The following NCAPD2 variants were observed in gnomAD, a reference collection of about 807,000 sequenced individuals.
NCAPD2 encodes the protein condensin complex subunit 1.
Under a neutral mutation model 164.5 loss-of-function variants are expected in NCAPD2, and 100 were observed. The ratio of observed to expected loss-of-function variants is 0.61; its 90% CI spans 0.52 to 0.72. The LOEUF (loss-of-function observed/expected upper bound fraction) is 0.72. Ranked by LOEUF, NCAPD2 falls within the 30% of genes least tolerant of loss-of-function variation. NCAPD2 has a pLI of 0.00. For missense variants in NCAPD2, 1,560 were observed against 1,749.2 expected, an observed-to-expected ratio of 0.89 and a Z score of 1.93; for synonymous variants, 585 against 642.6, an observed-to-expected ratio of 0.91 and a Z score of 1.36.
intron 2 of NCAPD2, among the ~76,000 whole-genome samples, chr12:6,500,492 AAG>A (rs1174566415): frequency 6.6e-6 from 1 of 152,170 alleles, no homozygotes; most frequent in Non-Finnish European, 1.5e-5. Context: ...AGCTAGGAAA[AAG>A]AGATTAGGTA....
Position 6,525,615 on chromosome 12 carries a change from A to G in NCAPD2, c.2247A>G (p.Lys749=). 1 of 1,612,968 alleles carries G rather than the reference A, an allele frequency of 6.2e-7. No homozygotes were observed. Among genetic ancestry groups the G allele is most frequent in the Middle Eastern group, 1.6e-4 (1 of 6,062 alleles). The change falls in exon 18 of 32, where the codon AAA becomes AAG. Residue 749 remains lysine (K), a synonymous_variant. Transcript: ENST00000315579. ...AGTTTGTGCAGAAGGATGAGTTGAA[A>G]CCAGCAGTGACCCAGCTGCTGTGGG... ...LCEFVQKDEL[K]PAVTQLLWER...
chr12:6,529,247 C>T, intron 27 of NCAPD2: 1 of 614,726 alleles, frequency 1.6e-6, no homozygotes, highest in Non-Finnish European at 2.9e-6. Context: ...GATAAAGTTC[C>T]TAACATGGTG....
At chr12:6,505,357 T>C (rs1258407340) in intron 2 of NCAPD2, among the ~76,000 whole-genome samples, 1 of 152,166 alleles carries the variant, frequency 6.6e-6, no homozygotes, top group East Asian at 1.9e-4. Context: ...TGAGCCAGCG[T>C]GCCCGGTCTG....
chr12:6,529,964 C>G lies in NCAPD2; in HGVS notation c.3837+6C>G. The G allele has an allele frequency of 6.2e-7, 1 of 1,610,074 alleles. No individual in the cohort carries two copies. Among genetic ancestry groups the G allele is most frequent in the Non-Finnish European group, 8.5e-7 (1 of 1,177,392 alleles). Reference sequence around the variant, plus strand: ...GGGCCAAGCCTGAGGGCAAGGTGAGCAGCACAGGACACTTCAATGCCTGTT... The same window carrying G: ...GGGCCAAGCCTGAGGGCAAGGTGAGGAGCACAGGACACTTCAATGCCTGTT... On this transcript the variant is annotated splice_donor_region_variant and intron_variant, in intron 29 of 31. Transcript: ENST00000315579.
intron 29 of NCAPD2, 98 bp downstream of exon 29, chr12:6,530,056 G>T: frequency 1.5e-6 from 2 of 1,347,756 alleles, no homozygotes; most frequent in Non-Finnish European, 2.0e-6. Flanking sequence ...TCACCTTCCC[G>T]TCCTCCTTAT....
intron 8 of NCAPD2, 91 bp downstream of exon 8, chr12:6,514,678 A>T: frequency 6.2e-7 from 1 of 1,606,790 alleles, no homozygotes; most frequent in Non-Finnish European, 8.5e-7. Context: ...GCAACAGTAG[A>T]TTCCTTCAGA....
At chr12:6,512,580 G>A (rs540818424) in intron 6 of NCAPD2, among the ~76,000 whole-genome samples, 1 of 152,230 alleles carries the variant, frequency 6.6e-6, no homozygotes, top group African/African-American at 2.4e-5. Context: ...GAGCCAGACC[G>A]CAGGTTCTTG....
In NCAPD2 at chr12:6,521,786, C is replaced by CT. The variant is rs563139489; in HGVS notation, c.1715-11dup. Reference sequence around the variant, plus strand: ...TTGAACGAAACCATCCTGTACTTCTCTAACTCCTTAGGCCCAGCAGCTTCC... The same window carrying CT: ...TTGAACGAAACCATCCTGTACTTCTCTTAACTCCTTAGGCCCAGCAGCTTCC... On this transcript the variant is annotated splice_polypyrimidine_tract_variant and intron_variant, in intron 14 of 31. Coordinates refer to ENST00000315579, the MANE Select transcript of NCAPD2 (RefSeq NM_014865.4). The CT allele has an allele frequency of 2.2e-3, 3,519 of 1,613,588 alleles. 5 individuals are homozygous for CT. The highest frequency in any genetic ancestry group is 2.8e-3 in the Non-Finnish European group (3,253 of 1,179,718).
chr12:6,517,500 G>A lies in NCAPD2; in HGVS notation c.1320+1G>A. On this transcript the variant is annotated splice_donor_variant, in intron 11 of 31. Transcript: ENST00000315579. LOFTEE classifies it high-confidence loss of function. The stretch of plus-strand genomic sequence containing the variant: ...AGCCAATAATCCTTTCTCCTGCAAG[G>A]TAAGTAGACTTGGTCCACCAAAAGA... 6.2e-7 allele frequency: 1 copy of A among 1,614,182 alleles called. No individual in the cohort carries two copies. Among genetic ancestry groups the A allele is most frequent in the African/African-American group, 1.3e-5 (1 of 75,038 alleles).
intron 22 of NCAPD2, 30 bp from the exon 23 acceptor site, chr12:6,527,747 A>T (rs766161323): frequency 6.3e-7 from 1 of 1,584,632 alleles, no homozygotes; most frequent in Non-Finnish European, 8.6e-7. Flanking sequence ...GTCTCTGCTT[A>T]TCCATGATCC....
chr12:6,502,452 A>G (rs1946046984), intron 2 of NCAPD2, among the ~76,000 whole-genome samples: 1 of 152,222 alleles, frequency 6.6e-6, no homozygotes, highest in East Asian at 1.9e-4. Flanking sequence ...ACTTCAGGTT[A>G]GTAGTCATGA....
chr12:6,527,930 G>A (rs1565547272), intron 23 of NCAPD2, 38 bp from the exon 24 acceptor site: 2 of 1,614,174 alleles, frequency 1.2e-6, no homozygotes, highest in South Asian at 2.2e-5. Flanking sequence ...TCCCAATTAA[G>A]ATAACCTGTC....
rs373458693 is a variant in NCAPD2 at position 6,495,256 on chromosome 12, C to T, written c.127+31C>T. Reference sequence around the variant, plus strand: ...AGTCCATAGCTGTCACTGTACCTAGCTCTTTCAAAGGACCATCTCACATGG... The same window carrying T: ...AGTCCATAGCTGTCACTGTACCTAGTTCTTTCAAAGGACCATCTCACATGG... On this transcript the variant is annotated intron_variant, in intron 2 of 31. Transcript: ENST00000315579. 2.5e-6 allele frequency: 4 copies of T among 1,611,332 alleles called. No homozygotes were observed. In the African/African-American group the frequency reaches 5.3e-5, roughly 22 times the overall value.
At chr12:6,519,181 T>G (rs1946240993) in intron 13 of NCAPD2, among the ~76,000 whole-genome samples, 1 of 152,162 alleles carries the variant, frequency 6.6e-6, no homozygotes, top group Admixed American at 6.5e-5. Context: ...TGAGCCACCG[T>G]GCCCGGCTTG....
intron 9 of NCAPD2, among the ~76,000 whole-genome samples, chr12:6,515,448 G>C (rs369179655): frequency 2.6e-5 from 4 of 152,242 alleles, no homozygotes; most frequent in East Asian, 1.9e-4. Flanking sequence ...GCCTCCCAAA[G>C]TGCTGGGATT....
chr12:6,523,083 G>T (rs544244123), intron 16 of NCAPD2, 81 bp downstream of exon 16: 1 of 1,547,726 alleles, frequency 6.5e-7, no homozygotes, highest in Admixed American at 1.8e-5. Flanking sequence ...AAAGGAAGAG[G>T]TGCATTTCTC....
At chr12:6,511,709 C>T (rs962822759) in intron 6 of NCAPD2, among the ~76,000 whole-genome samples, 2 of 151,760 alleles carry the variant, frequency 1.3e-5, no homozygotes, top group Non-Finnish European at 1.5e-5. Context: ...AGGCCCGGTG[C>T]GGTGGCTCAC....
chr12:6,521,668 A>C, intron 14 of NCAPD2, 130 bp from the exon 15 acceptor site: 1 of 1,190,790 alleles, frequency 8.4e-7, no homozygotes, highest in South Asian at 1.5e-5. Flanking sequence ...CCTAGGCAAC[A>C]GAGTGAGACC....
In NCAPD2 at chr12:6,513,715, C is replaced by CTTTTTTTTTTTTTGTTTTTTTT. The variant is rs1946172373; in HGVS notation, c.588-537_588-536insGTTTTTTTTTTTTTTTTTTTTT. On this transcript the variant is annotated intron_variant, in intron 6 of 31. Coordinates refer to ENST00000315579, the MANE Select transcript of NCAPD2 (RefSeq NM_014865.4). ...AATGAGAAGTCATTGGTGACTTTGTCTTTTTTTTTTTTTTTTTTGTGATGG... is the reference window on the plus strand; with the variant it reads ...AATGAGAAGTCATTGGTGACTTTGTCTTTTTTTTTTTTTGTTTTTTTTTTTTTTTTTTTTTTTTTTGTGATGG... 2.7e-5 allele frequency among the ~76,000 whole-genome samples: 2 copies of CTTTTTTTTTTTTTGTTTTTTTT among 74,894 alleles called. 1 individual carries two copies. Among genetic ancestry groups the CTTTTTTTTTTTTTGTTTTTTTT allele is most frequent in the African/African-American group, 1.2e-4 (2 of 16,932 alleles). The allele number at this position is 74,894 out of a possible 152,430, so 49.1% of individuals were successfully genotyped here.
Sources: gnomAD v4.1 joint callset for allele counts (sites outside exome capture counted in the v4.1 genomes callset) on GRCh38, gnomAD v4.1.1 for gene constraint, MANE v1.5 for transcripts, NCBI Gene and HGNC (gene_info 2026-07-23, HGNC 2026-07-21) for gene names.